EFCAB14: variants seen among roughly 807,000 people sequenced by gnomAD.
EFCAB14 encodes EF-hand calcium-binding domain-containing protein 14.
Under a neutral mutation model 56.5 loss-of-function variants are expected in EFCAB14, and 43 were observed. The ratio of observed to expected loss-of-function variants is 0.76; its 90% confidence interval spans 0.60 to 0.98. The LOEUF (loss-of-function observed/expected upper bound fraction) is 0.98, where lower values mean the gene tolerates loss of function less well. Among genes scored for constraint, EFCAB14 ranks in the 50% least tolerant of loss-of-function variants. The pLI is 0.00. For synonymous variants in EFCAB14, 235 were observed against 212.9 expected (o/e 1.10, Z -0.90); for missense variants, 538 against 580.3 (o/e 0.93, Z 0.75).
At chr1:46,686,942 C>T in intron 7 of EFCAB14, 72 bp from the exon 8 acceptor site, 1 of 1,380,364 alleles carries the variant, frequency 7.2e-7, no homozygotes, top group South Asian at 1.2e-5. Context: ...GAACACCTAG[C>T]ACTTTTAAAC....
chr1:46,679,536 C>A (rs969480526), intron 10 of EFCAB14, among the ~76,000 whole-genome samples: 20 of 147,434 alleles, frequency 1.4e-4, no homozygotes, highest in African/African-American at 5.0e-4. Flanking sequence ...CTCCTGACCT[C>A]AGGTGATTCG....
At chr1:46,710,995 T>C (rs1677300448) in intron 2 of EFCAB14, among the ~76,000 whole-genome samples, 1 of 152,266 alleles carries the variant, frequency 6.6e-6, no homozygotes, top group Non-Finnish European at 1.5e-5. Flanking sequence ...TATGGCTGAA[T>C]AGTATTCTAC....
At chr1:46,712,131 C>T (rs1234503356) in intron 2 of EFCAB14, among the ~76,000 whole-genome samples, 1 of 152,196 alleles carries the variant, frequency 6.6e-6, no homozygotes, top group African/African-American at 2.4e-5. Context: ...AAACCTTCTG[C>T]TCCTAGGACC....
chr1:46,683,949 G>T (rs917010542), intron 9 of EFCAB14, among the ~76,000 whole-genome samples: 3 of 152,148 alleles, frequency 2.0e-5, no homozygotes, highest in African/African-American at 7.2e-5. Flanking sequence ...TACTTGTGTG[G>T]GGGAAAAGGT....
intron 2 of EFCAB14, 139 bp downstream of exon 2, chr1:46,716,156 T>C: frequency 1.1e-6 from 1 of 934,828 alleles, no homozygotes; most frequent in Non-Finnish European, 1.5e-6. Flanking sequence ...AGGCTGACCA[T>C]GAGAATCACT....
In EFCAB14 at chr1:46,676,981, A is replaced by G. The variant is rs1676705634; in HGVS notation, c.*1480T>C. The G allele has an allele frequency of 6.6e-6, 1 of 152,630 alleles. No homozygotes were observed. Among genetic ancestry groups the G allele is most frequent in the South Asian group, 2.1e-4 (1 of 4,834 alleles). 9.5% of individuals were successfully genotyped at this position (152,630 alleles called of 1,614,324 possible). A position where few individuals can be genotyped will look rare whatever the true frequency, so the allele number is the denominator to read the frequency against. On this transcript the variant is annotated 3_prime_UTR_variant, in exon 11 of 11. Transcript: ENST00000371933. ...GATCTCCACTAAAGAAGTCTGTGGC[A>G]TGACAGCTTTCTCTACTTTCTCCCT...
intron 2 of EFCAB14, among the ~76,000 whole-genome samples, chr1:46,711,144 A>G (rs540908959): frequency 7.2e-5 from 11 of 152,324 alleles, no homozygotes; most frequent in African/African-American, 2.4e-4. Flanking sequence ...CCTTTTGCCC[A>G]GTAGTTCCCA....
Position 46,678,631 on chromosome 1 carries a change from G to A in EFCAB14, c.1318C>T (p.Gln440Ter). Reference sequence around the variant, plus strand: ...TGGCCAGTCTTGCGGAATAAATCCTGAAGATCTGTCAAAAATGAATTACAA... The same window carrying A: ...TGGCCAGTCTTGCGGAATAAATCCTAAAGATCTGTCAAAAATGAATTACAA... ...LPGVSSTEDL[Q>*]DLFRKTGQDV... Residue 440 changes from glutamine (Q) to a stop codon, truncating the protein, a stop_gained, in exon 11 of 11, where the codon CAG (glutamine) becomes TAG (stop). Coordinates refer to ENST00000371933, the MANE Select transcript of EFCAB14 (RefSeq NM_014774.3). LOFTEE classifies it high-confidence loss of function. 2 of 1,608,176 alleles carry A rather than the reference G, an allele frequency of 1.2e-6. No homozygotes were observed. The highest frequency in any genetic ancestry group is 2.2e-5 in the South Asian group (2 of 90,220).
In EFCAB14 at chr1:46,716,429, C is replaced by T. The variant is rs116760030; in HGVS notation, c.200G>A (p.Arg67Gln). The T allele has an allele frequency of 2.4e-4, 387 of 1,613,972 alleles. 2 individuals are homozygous for T. In the African/African-American group the frequency reaches 4.6e-3, roughly 19 times the overall value. Residue 67 changes from arginine (R) to glutamine (Q), a missense_variant, in exon 2 of 11, where the codon CGA becomes CAA. Arg to Gln is a conservative substitution (Grantham distance 43). Transcript: ENST00000371933. ...GAGCGGATAACAGATCTTGCAGCAT[C>T]GTAAATAGTCTCCCCTGCTCAAGAG... ...RSRFAKGDYL[R>Q]CCKICYPLCG...
chr1:46,710,268 T>C (rs1255196155), intron 2 of EFCAB14, among the ~76,000 whole-genome samples: 2 of 152,240 alleles, frequency 1.3e-5, no homozygotes, highest in East Asian at 1.9e-4. Context: ...AATGTTTCCA[T>C]ACATGTAATG....
At chr1:46,696,492 A>G (rs1677079010) in intron 4 of EFCAB14, 59 bp downstream of exon 4, 2 of 1,492,956 alleles carry the variant, frequency 1.3e-6, no homozygotes, top group African/African-American at 2.8e-5. Context: ...ATTATGGCAA[A>G]TAGTACCCAC....
intron 10 of EFCAB14, among the ~76,000 whole-genome samples, chr1:46,681,861 T>G (rs11211339): frequency 6.6e-6 from 1 of 151,700 alleles, no homozygotes; most frequent in East Asian, 1.9e-4. Flanking sequence ...ACCTAATAGC[T>G]TTCCCCCATT....
intron 10 of EFCAB14, among the ~76,000 whole-genome samples, chr1:46,678,838 A>G (rs1449525182): frequency 6.1e-5 from 9 of 146,894 alleles, no homozygotes; most frequent in Non-Finnish European, 1.1e-4. Flanking sequence ...AAAAAAAAAA[A>G]AAGGCTGGGT....
intron 10 of EFCAB14, 126 bp from the exon 11 acceptor site, chr1:46,678,762 T>G (rs965710624): frequency 2.3e-5 from 19 of 817,226 alleles, no homozygotes; most frequent in Non-Finnish European, 3.2e-5. Context: ...TTCCAAATGG[T>G]AAAGTTTAGG....
chr1:46,702,034 A>G (rs78353821), intron 3 of EFCAB14, among the ~76,000 whole-genome samples: 1 of 152,222 alleles, frequency 6.6e-6, no homozygotes, highest in African/African-American at 2.4e-5. Flanking sequence ...AGAATGTCAG[A>G]TCAGATTCAG....
intron 8 of EFCAB14, 159 bp downstream of exon 8, chr1:46,686,625 T>G (rs1676886434): frequency 1.3e-6 from 1 of 751,578 alleles, no homozygotes; most frequent in South Asian, 1.6e-5. Flanking sequence ...TAAAAAAGTA[T>G]TCATTTATTC....
intron 2 of EFCAB14, among the ~76,000 whole-genome samples, chr1:46,715,220 T>C (rs956148109): frequency 2.6e-5 from 4 of 152,208 alleles, no homozygotes; most frequent in African/African-American, 9.6e-5. Flanking sequence ...ACCAAGTTGA[T>C]ATCAAAGAGA....
At chr1:46,696,249 T>C (rs528597749) in intron 4 of EFCAB14, among the ~76,000 whole-genome samples, 1 of 152,206 alleles carries the variant, frequency 6.6e-6, no homozygotes, top group Admixed American at 6.5e-5. Flanking sequence ...CCATATATGC[T>C]AACACAAGAG....
intron 2 of EFCAB14, 26 bp from the exon 3 acceptor site, chr1:46,708,077 A>G (rs1677258447): frequency 1.2e-6 from 2 of 1,603,576 alleles, no homozygotes; most frequent in Non-Finnish European, 1.7e-6. Flanking sequence ...AAGAACAATC[A>G]TAACTAGCAT....
Sources: gnomAD v4.1 joint callset for allele counts (sites outside exome capture counted in the v4.1 genomes callset) on GRCh38, gnomAD v4.1.1 for gene constraint, MANE v1.5 for transcripts, NCBI Gene and HGNC (gene_info 2026-07-23, HGNC 2026-07-21) for gene names.